The following NEK6 variants were observed in gnomAD, a reference collection of about 807,000 sequenced individuals.
NEK6 encodes serine/threonine-protein kinase Nek6.
In NEK6, 27 loss-of-function variants were observed where a neutral mutation model predicts 43.5. That is an observed-to-expected ratio of 0.62 (90% confidence interval 0.46 to 0.86). NEK6 has a LOEUF of 0.86. Ranked by LOEUF, NEK6 falls within the 40% of genes least tolerant of loss-of-function variation. NEK6 has a pLI of 0.00. For synonymous variants in NEK6, 167 were observed against 164.1 expected (o/e 1.02, Z -0.14); for missense variants, 318 against 414.4 (o/e 0.77, Z 2.02).
In NEK6 at chr9:124,330,642, G is replaced by A. The variant is rs558585645; in HGVS notation, c.622+3197G>A. Reference sequence around the variant, plus strand: ...TGGGTCTCCCAGGGCTTAGCCTGGCGCTGAGGCGCAAACCCCTTCCTTCTT... The same window carrying A: ...TGGGTCTCCCAGGGCTTAGCCTGGCACTGAGGCGCAAACCCCTTCCTTCTT... On this transcript the variant is annotated intron_variant, in intron 7 of 9. Transcript: ENST00000320246. Among the ~76,000 whole-genome samples the A allele has an allele frequency of 2.2e-4, 33 of 152,384 alleles. 1 individual carries two copies. The South Asian group carries it at 2.7e-3, about 12-fold the overall frequency.
intron 8 of NEK6, among the ~76,000 whole-genome samples, chr9:124,344,442 G>A (rs1313006163): frequency 4.6e-5 from 7 of 152,202 alleles, no homozygotes; most frequent in East Asian, 1.9e-4. Flanking sequence ...ACAAAGCCCC[G>A]CACCTGGCCC....
In NEK6 at chr9:124,326,820, T is replaced by C. The variant is rs1834364551; in HGVS notation, c.514+382T>C. ...TTTCCACAGTTGACATGATTCCGAG[T>C]TGTGAGAAAGGAGCCTGCTGGGTGC... On this transcript the variant is annotated intron_variant, in intron 6 of 9. Coordinates refer to ENST00000320246, the MANE Select transcript of NEK6 (RefSeq NM_014397.6). This position sits in a 1 kb window ranked among gnomAD's most constrained non-coding sequence, Gnocchi z 4.5. Among the ~76,000 whole-genome samples the C allele has an allele frequency of 6.6e-6, 1 of 151,986 alleles. No homozygotes were observed. The highest frequency in any genetic ancestry group is 6.5e-5 in the Admixed American group (1 of 15,270).
rs761319153 is a variant in NEK6, at chr9:124,292,982, G to A, written c.-29-8954G>A. 2.5e-6 allele frequency: 4 copies of A among 1,574,816 alleles called. No individual in the cohort carries two copies. In the South Asian group the frequency reaches 3.5e-5, roughly 14 times the overall value. ...TTTGCTGGGAGGCAGCTCATTTCCG[G>A]CAGGAGGAGCAGAGCCTGCCAAGGC... On this transcript the variant is annotated intron_variant, in intron 1 of 9. Transcript: ENST00000320246.
chr9:124,328,767 T>C lies in NEK6; in HGVS notation c.622+1322T>C, dbSNP rs568706144. On this transcript the variant is annotated intron_variant, in intron 7 of 9. Transcript: ENST00000320246. Reference sequence around the variant, plus strand: ...CACACTTAGGAGAAATGTACGAGCCTAGAGACCAGCGACTCCCAGCAGCTG... The same window carrying C: ...CACACTTAGGAGAAATGTACGAGCCCAGAGACCAGCGACTCCCAGCAGCTG... Among the ~76,000 whole-genome samples, 6 of 152,298 alleles carry C rather than the reference T, an allele frequency of 3.9e-5. No homozygotes were observed. In the South Asian group the frequency reaches 1.2e-3, roughly 32 times the overall value.
At chr9:124,314,038 C>A in intron 4 of NEK6, 53 bp downstream of exon 4, 1 of 1,551,396 alleles carries the variant, frequency 6.4e-7, no homozygotes, top group Admixed American at 1.7e-5. Context: ...GGTTCTGGGG[C>A]CGCGGCTGGG....
chr9:124,335,452 C>T (rs1393921574), intron 7 of NEK6, among the ~76,000 whole-genome samples: 1 of 152,220 alleles, frequency 6.6e-6, no homozygotes, highest in East Asian at 1.9e-4. Context: ...TAAGTGAGGG[C>T]TGCTGCGCTT....
At chr9:124,277,228 T>C (rs1831683827) in intron 1 of NEK6, among the ~76,000 whole-genome samples, 1 of 152,186 alleles carries the variant, frequency 6.6e-6, no homozygotes, top group Non-Finnish European at 1.5e-5. Context: ...GTGGATTGCT[T>C]GAGGCCAGGA....
At chr9:124,327,554 G>A in intron 7 of NEK6, 109 bp downstream of exon 7, 2 of 856,684 alleles carry the variant, frequency 2.3e-6, no homozygotes, top group East Asian at 2.5e-5. Flanking sequence ...GCAGGAAGAT[G>A]CCTTTTTTAA....
At chr9:124,312,460 C>A in intron 2 of NEK6, 49 bp from the exon 3 acceptor site, 1 of 1,586,654 alleles carries the variant, frequency 6.3e-7, no homozygotes, top group South Asian at 1.2e-5. Flanking sequence ...GTCCCCAGGC[C>A]TCTGCTGCAG....
At chr9:124,344,540 G>A (rs766710337) in intron 8 of NEK6, among the ~76,000 whole-genome samples, 1 of 152,252 alleles carries the variant, frequency 6.6e-6, no homozygotes, top group Non-Finnish European at 1.5e-5. Flanking sequence ...TCGCAGGCCA[G>A]GCGGTGGGGA....
At chr9:124,283,915 C>T (rs1832036033) in intron 1 of NEK6, among the ~76,000 whole-genome samples, 2 of 152,250 alleles carry the variant, frequency 1.3e-5, no homozygotes, top group South Asian at 4.1e-4. Flanking sequence ...CTGAGAGCCC[C>T]ATTGAGGATG....
rs71490843 is a variant in NEK6, at chr9:124,313,793, AGG to A, written c.232-123_232-122del. The A allele has an allele frequency of 9.7e-6, 8 of 821,116 alleles. No homozygotes were observed. In the East Asian group the frequency reaches 1.4e-4, roughly 14 times the overall value. The allele number at this position is 821,116 out of a possible 1,614,324, so 50.9% of individuals were successfully genotyped here. On this transcript the variant is annotated intron_variant, in intron 3 of 9. Transcript: ENST00000320246. ...CAAGCCCTACAGGGGCTGGGAGTGC[AGG>A]GGGGGGTCACAGAGTCCCTTGGTGA...
At chr9:124,322,747 A>T (rs1009614239) in intron 5 of NEK6, among the ~76,000 whole-genome samples, 12 of 152,234 alleles carry the variant, frequency 7.9e-5, no homozygotes, top group African/African-American at 2.9e-4. Flanking sequence ...CCCTGCTCAC[A>T]GCCGCACTTA....
intron 1 of NEK6, among the ~76,000 whole-genome samples, chr9:124,279,301 T>A (rs950312315): frequency 7.6e-6 from 1 of 131,110 alleles, no homozygotes; most frequent in South Asian, 2.4e-4. Context: ...TTCTCTTCCC[T>A]TTTTTTTTTT....
intron 1 of NEK6, among the ~76,000 whole-genome samples, chr9:124,288,464 A>C (rs1037698656): frequency 2.0e-5 from 3 of 152,066 alleles, no homozygotes; most frequent in Admixed American, 6.5e-5. Flanking sequence ...TTGTATTTTT[A>C]GTAAAAATGG....
chr9:124,300,376 C>T (rs74764106), intron 1 of NEK6, among the ~76,000 whole-genome samples: 4 of 152,082 alleles, frequency 2.6e-5, no homozygotes, highest in African/African-American at 9.7e-5. Context: ...TCCTGGAACA[C>T]CCCCGTGTTA....
chr9:124,315,937 C>T (rs1233130222), intron 4 of NEK6, among the ~76,000 whole-genome samples: 1 of 152,200 alleles, frequency 6.6e-6, no homozygotes, highest in Non-Finnish European at 1.5e-5. Context: ...AACAGGGACG[C>T]TGGAGGAGTC....
At chr9:124,302,548 G>A (rs76561042) in intron 2 of NEK6, among the ~76,000 whole-genome samples, 3,067 of 152,270 alleles carry the variant, frequency 0.02, 53 homozygotes, top group East Asian at 0.084. Context: ...GCTTCTTAAC[G>A]CCTGCCTCTC....
rs367627977 is a variant in NEK6 at position 124,261,569 on chromosome 9, C to T, written c.-30+3484C>T. 1.1e-5 allele frequency: 11 copies of T among 985,330 alleles called. No individual in the cohort carries two copies. In the African/African-American group the frequency reaches 1.7e-4, roughly 16 times the overall value. 61.0% of individuals were successfully genotyped at this position (985,330 alleles called of 1,614,324 possible). A position where few individuals can be genotyped will look rare whatever the true frequency, so the allele number is the denominator to read the frequency against. On this transcript the variant is annotated intron_variant, in intron 1 of 9. Transcript: ENST00000320246. ...ACTCACAGTCCTAAATATCTGACAGCGAGATCGCTTGTAGGTAGGCTTCTT... is the reference window on the plus strand; with the variant it reads ...ACTCACAGTCCTAAATATCTGACAGTGAGATCGCTTGTAGGTAGGCTTCTT...
Sources: gnomAD v4.1 joint callset for allele counts (sites outside exome capture counted in the v4.1 genomes callset) on GRCh38, gnomAD v4.1.1 for gene constraint, Gnocchi (gnomAD v3.1) non-coding constraint, MANE v1.5 for transcripts, NCBI Gene and HGNC (gene_info 2026-07-23, HGNC 2026-07-21) for gene names.